REPS2: variants seen among roughly 807,000 people sequenced by gnomAD.
The protein encoded by REPS2 is RALBP1 associated Eps domain containing 2, also known as ralBP1-associated Eps domain-containing protein 2.
In REPS2, 23 loss-of-function variants were observed where a neutral mutation model predicts 53.6. The observed-to-expected ratio is 0.43, with a 90% CI of 0.31 to 0.61. The LOEUF is 0.61. Among genes scored for constraint, REPS2 ranks in the 20% least tolerant of loss-of-function variants. The pLI, the probability that REPS2 is intolerant of heterozygous loss-of-function variation, is 0.11. For missense variants in REPS2, 446 were observed against 534.9 expected (o/e 0.83, Z 1.64); for synonymous variants, 238 against 218.6 (o/e 1.09, Z -0.78).
At chrX:17,164,062 A>G in the REPS2 span, among the ~76,000 whole-genome samples, 1 of 112,293 alleles carries the variant, frequency 8.9e-6, no homozygotes, top group African/African-American at 3.2e-5. Context: ...GCAGGAAGGA[A>G]TGGAACTATG....
At chrX:17,015,265 TTAAA>T (rs2147823411) in intron 2 of REPS2, among the ~76,000 whole-genome samples, 1 of 113,080 alleles carries the variant, frequency 8.8e-6, no homozygotes, top group Non-Finnish European at 1.9e-5. Flanking sequence ...ATTAAATGAT[TTAAA>T]TAAAAGGTTT....
chrX:17,124,770 G>A (rs1465700172), intron 14 of REPS2, among the ~76,000 whole-genome samples: 1 of 107,302 alleles, frequency 9.3e-6, no homozygotes, highest in African/African-American at 3.4e-5. Context: ...GCCTGAGTTC[G>A]TTTTTCTGAC....
intron 6 of REPS2, among the ~76,000 whole-genome samples, chrX:17,050,194 C>CTTTCTTTCTTTCT (rs1223989029): frequency 1.9e-5 from 1 of 51,801 alleles, no homozygotes; most frequent in African/African-American, 9.5e-5. Context: ...TTCTTTCTTT[C>CTTTCTTTCTTTCT]TTTTTTTTTT....
chrX:17,188,960 G>A, the REPS2 span, among the ~76,000 whole-genome samples: 1 of 112,221 alleles, frequency 8.9e-6, no homozygotes, highest in African/African-American at 3.2e-5. Flanking sequence ...TCATTTTATA[G>A]ATGAGGAAAC....
chrX:16,963,871 G>C (rs1040876953), intron 1 of REPS2, among the ~76,000 whole-genome samples: 4 of 111,144 alleles, frequency 3.6e-5, no homozygotes, highest in Non-Finnish European at 7.5e-5. Flanking sequence ...TTTCTTGTAG[G>C]TTCTTAGGTG....
the REPS2 span, among the ~76,000 whole-genome samples, chrX:17,185,706 G>A: frequency 5.4e-5 from 6 of 111,947 alleles, no homozygotes; most frequent in Non-Finnish European, 1.1e-4. Context: ...GAGAGGGGAG[G>A]GGGTAATATG....
intron 15 of REPS2, among the ~76,000 whole-genome samples, chrX:17,134,305 G>A (rs1377563943): frequency 9.0e-6 from 1 of 111,608 alleles, no homozygotes; most frequent in Non-Finnish European, 1.9e-5. Flanking sequence ...CTTGCATCGT[G>A]GCATTTTCAC....
At chrX:16,968,383 G>T (rs1290154273) in intron 1 of REPS2, among the ~76,000 whole-genome samples, 1 of 111,718 alleles carries the variant, frequency 9.0e-6, no homozygotes, top group African/African-American at 3.2e-5. Context: ...GGTGGTGGCC[G>T]GGCAGAGGGG....
At chrX:17,161,796 GGT>G in the REPS2 span, among the ~76,000 whole-genome samples, 1 of 111,798 alleles carries the variant, frequency 8.9e-6, no homozygotes, top group Non-Finnish European at 1.9e-5. Context: ...CCAACATTAT[GGT>G]GTCCACCCAG....
At chrX:16,975,892 C>T (rs993611542) in intron 1 of REPS2, among the ~76,000 whole-genome samples, 3 of 112,129 alleles carry the variant, frequency 2.7e-5, no homozygotes, top group Non-Finnish European at 5.6e-5. Context: ...TATTTCCTCA[C>T]GCAGGCATTT....
intron 1 of REPS2, among the ~76,000 whole-genome samples, chrX:16,999,126 C>A (rs1380050931): frequency 2.7e-5 from 3 of 112,175 alleles, no homozygotes; most frequent in Non-Finnish European, 3.8e-5. Context: ...GGATCAACCA[C>A]AATTGATTAA....
At chrX:16,995,132 C>G (rs867514511) in intron 1 of REPS2, among the ~76,000 whole-genome samples, 14 of 112,184 alleles carry the variant, frequency 1.2e-4, no homozygotes, top group South Asian at 3.7e-4. Context: ...AGATTGTCCC[C>G]CTTACACCTG....
the REPS2 span, among the ~76,000 whole-genome samples, chrX:17,166,755 G>C: frequency 1.8e-5 from 2 of 111,957 alleles, no homozygotes; most frequent in African/African-American, 3.2e-5. Flanking sequence ...CAGTCACACA[G>C]AGTCCCTGCT....
At chrX:17,115,749 C>A (rs972785441) in intron 14 of REPS2, among the ~76,000 whole-genome samples, 8 of 112,453 alleles carry the variant, frequency 7.1e-5, no homozygotes, top group Admixed American at 6.6e-4. Flanking sequence ...AGCATGCTGC[C>A]TTCAAGCATC....
At position 17,062,547 on chromosome X, in the gene REPS2, T is replaced by C; in HGVS notation, c.1209+15T>C. On this transcript the variant is annotated intron_variant, in intron 9 of 17. Transcript: ENST00000357277. Reference sequence around the variant, plus strand: ...ATCGGATGGAGGTAAAAGATCTTCATATGCTAATAAATAAGGATGTGTATG... The same window carrying C: ...ATCGGATGGAGGTAAAAGATCTTCACATGCTAATAAATAAGGATGTGTATG... 5 of 1,128,863 alleles carry C rather than the reference T, an allele frequency of 4.4e-6. No individual in the cohort carries two copies. The highest frequency in any genetic ancestry group is 6.0e-6 in the Non-Finnish European group (5 of 826,945). 93.0% of individuals were successfully genotyped at this position (1,128,863 alleles called of 1,213,427 possible).
chrX:17,091,737 A>G (rs974626261), intron 13 of REPS2, among the ~76,000 whole-genome samples: 12 of 111,244 alleles, frequency 1.1e-4, no homozygotes, highest in Admixed American at 1.0e-3. Context: ...ACTGGTGTAT[A>G]TGACATACAT....
At chrX:17,026,454 G>GTT (rs781128245) in intron 4 of REPS2, among the ~76,000 whole-genome samples, 143 of 93,338 alleles carry the variant, frequency 1.5e-3, no homozygotes, top group African/African-American at 4.8e-3. Context: ...TCAGGAGTGG[G>GTT]TTTTTTTTTT....
At chrX:17,051,847 T>C (rs1171276575) in intron 6 of REPS2, among the ~76,000 whole-genome samples, 1 of 111,924 alleles carries the variant, frequency 8.9e-6, no homozygotes, top group East Asian at 2.8e-4. Flanking sequence ...TTTCAGTTGA[T>C]ACAGGTAAAT....
chrX:17,037,387 C>T (rs2061779414), intron 5 of REPS2, among the ~76,000 whole-genome samples: 1 of 112,706 alleles, frequency 8.9e-6, no homozygotes, highest in African/African-American at 3.2e-5. Context: ...TGGCTGACTA[C>T]AACCTCTGCC....
Sources: gnomAD v4.1 joint callset for allele counts (sites outside exome capture counted in the v4.1 genomes callset) on GRCh38, gnomAD v4.1.1 for gene constraint, MANE v1.5 for transcripts, NCBI Gene and HGNC (gene_info 2026-07-23, HGNC 2026-07-21) for gene names.